The following SLC25A16 variants were observed in gnomAD, a reference collection of about 807,000 sequenced individuals.
The protein encoded by SLC25A16 is solute carrier family 25 member 16.
A neutral mutation model predicts 41.5 loss-of-function variants in SLC25A16; 39 were observed. The observed-to-expected ratio is 0.94, with a 90% CI of 0.73 to 1.23. The LOEUF (loss-of-function observed/expected upper bound fraction) is 1.23, where lower values mean the gene tolerates loss of function less well. Ranked by LOEUF, SLC25A16 falls within the 50% of genes most tolerant of loss-of-function variation. SLC25A16 has a pLI of 0.00. For missense variants in SLC25A16, 421 were observed against 426.9 expected (o/e 0.99, Z 0.12); for synonymous variants, 146 against 147.8 (o/e 0.99, Z 0.09).
At chr10:68,484,907 C>T (rs1250155504) in intron 8 of SLC25A16, among the ~76,000 whole-genome samples, 1 of 152,082 alleles carries the variant, frequency 6.6e-6, no homozygotes, top group African/African-American at 2.4e-5. Context: ...AGCCACTAGC[C>T]ACATATGGCT....
chr10:68,520,163 TG>T (rs2053227148), intron 1 of SLC25A16, among the ~76,000 whole-genome samples: 1 of 151,376 alleles, frequency 6.6e-6, no homozygotes, highest in Non-Finnish European at 1.5e-5. Flanking sequence ...TTCACCATGT[TG>T]GCCAGACTGT....
chr10:68,527,190 C>G (rs2053350537), intron 1 of SLC25A16, 56 bp downstream of exon 1: 2 of 1,519,570 alleles, frequency 1.3e-6, no homozygotes, highest in South Asian at 2.5e-5. Context: ...CCCACTTGCC[C>G]ACAGTCCTGC....
chr10:68,525,053 A>G (rs1462074981), intron 1 of SLC25A16, among the ~76,000 whole-genome samples: 1 of 152,140 alleles, frequency 6.6e-6, no homozygotes, highest in Non-Finnish European at 1.5e-5. Context: ...TCTCAAAACA[A>G]CAACAACAAC....
chr10:68,492,597 G>A (rs546962648), intron 6 of SLC25A16, among the ~76,000 whole-genome samples: 3 of 152,016 alleles, frequency 2.0e-5, no homozygotes, highest in Admixed American at 6.6e-5. Context: ...CAGGAGAATC[G>A]CCTGAACCCA....
At chr10:68,501,871 G>C (rs2052852215) in intron 4 of SLC25A16, among the ~76,000 whole-genome samples, 1 of 152,172 alleles carries the variant, frequency 6.6e-6, no homozygotes, top group South Asian at 2.1e-4. Context: ...GTAAACATAA[G>C]ATCAACATGC....
intron 2 of SLC25A16, among the ~76,000 whole-genome samples, chr10:68,509,111 CG>C (rs1168720005): frequency 6.6e-6 from 1 of 151,870 alleles, no homozygotes; most frequent in African/African-American, 2.4e-5. Context: ...GCAGAGGCAG[CG>C]GATCACTTGA....
At position 68,483,461 on chromosome 10, in the gene SLC25A16, G is replaced by A; in HGVS notation, c.970C>T (p.Leu324Phe). 6.2e-7 allele frequency: 1 copy of A among 1,604,096 alleles called. No individual in the cohort carries two copies. The highest frequency in any genetic ancestry group is 8.5e-7 in the Non-Finnish European group (1 of 1,176,250). The stretch of plus-strand genomic sequence containing the variant: ...TTGAGGTGAAAAAACTGCTTCATAA[G>A]TTCGTATGTTGTAAAAGCCACTGCT... ...SQAVAFTTYE[L>F]MKQFFHLN is the part of the protein sequence containing the mutation. Residue 324 changes from leucine (L) to phenylalanine (F), a missense_variant, in exon 9 of 9, where the codon CTT becomes TTT. By Grantham distance (22) the Leu-to-Phe change is conservative. Transcript: ENST00000609923.
In SLC25A16 at chr10:68,527,301, G is replaced by A. The variant is rs1163056186; in HGVS notation, c.75C>T (p.Ala25=). The A allele has an allele frequency of 3.9e-6, 6 of 1,545,228 alleles. No homozygotes were observed. The highest frequency in any genetic ancestry group is 2.0e-5 in the Admixed American group (1 of 50,322). Residue 25 remains alanine, a synonymous_variant, in exon 1 of 9, where the codon GCC becomes GCT. Transcript: ENST00000609923. ...PPPAMPQAAG[A]GGPTTRRDFY... ...AGTCTCTGCGGGTTGTGGGCCCTCC[G>A]GCCCCTGCCGCCTGCGGCATTGCGG... is the stretch of plus-strand genomic sequence containing the variant.
Position 68,491,966 on chromosome 10 carries a change from T to A in SLC25A16, c.610+1166A>T, listed in dbSNP as rs11815099. On this transcript the variant is annotated intron_variant, in intron 6 of 8. Coordinates refer to ENST00000609923, the MANE Select transcript of SLC25A16 (RefSeq NM_152707.4). ...GCCTCAACCTCCTGAGTAGCTGGGA[T>A]TACAGGCACACGCCACCAAGCCAGC... Among the ~76,000 whole-genome samples, 508 of 152,186 alleles carry A rather than the reference T, an allele frequency of 3.3e-3. 4 individuals are homozygous for A. Among genetic ancestry groups the A allele is most frequent in the African/African-American group, 0.012 (489 of 41,528 alleles).
At chr10:68,525,188 A>C (rs1473649577) in intron 1 of SLC25A16, among the ~76,000 whole-genome samples, 1 of 151,688 alleles carries the variant, frequency 6.6e-6, no homozygotes, top group Non-Finnish European at 1.5e-5. Context: ...CCCAGACTGG[A>C]GTGCAATGGC....
chr10:68,499,671 T>C (rs956361031), intron 4 of SLC25A16: 13 of 362,246 alleles, frequency 3.6e-5, no homozygotes, highest in South Asian at 3.1e-4. Flanking sequence ...GTGTGATCCA[T>C]GCCCATCCGA....
chr10:68,483,708 T>C, intron 8 of SLC25A16, 120 bp from the exon 9 acceptor site: 2 of 760,906 alleles, frequency 2.6e-6, no homozygotes, highest in Non-Finnish European at 4.0e-6. Context: ...CAGATGGGAG[T>C]GTGGATTGCA....
chr10:68,503,812 T>C, intron 3 of SLC25A16, 117 bp from the exon 4 acceptor site: 6 of 705,332 alleles, frequency 8.5e-6, no homozygotes, highest in Non-Finnish European at 1.5e-5. Flanking sequence ...AAATTAATAA[T>C]AAATGTGAAC....
At chr10:68,484,406 C>T (rs1451847775) in intron 8 of SLC25A16, among the ~76,000 whole-genome samples, 3 of 150,640 alleles carry the variant, frequency 2.0e-5, no homozygotes, top group Non-Finnish European at 2.9e-5. Flanking sequence ...CAATCTGGAC[C>T]GAAATCTTTT....
At position 68,483,263 on chromosome 10, in the gene SLC25A16, T is replaced by C; in HGVS notation, c.*169A>G. The C allele has an allele frequency of 1.9e-6, 1 of 529,238 alleles. No individual in the cohort carries two copies. Among genetic ancestry groups the C allele is most frequent in the Non-Finnish European group, 3.3e-6 (1 of 300,864 alleles). The allele number at this position is 529,238 out of a possible 1,614,324, so 32.8% of individuals were successfully genotyped here. On this transcript the variant is annotated 3_prime_UTR_variant, in exon 9 of 9. Coordinates refer to ENST00000609923, the MANE Select transcript of SLC25A16 (RefSeq NM_152707.4). ...TAATGTTTGGCATCAAAAAGTATGGTAAGCAGTTCTGATTTGTGACTAAAG... is the reference window on the plus strand; with the variant it reads ...TAATGTTTGGCATCAAAAAGTATGGCAAGCAGTTCTGATTTGTGACTAAAG...
chr10:68,514,599 AAAG>A (rs2053127559), intron 2 of SLC25A16, among the ~76,000 whole-genome samples: 1 of 152,210 alleles, frequency 6.6e-6, no homozygotes, highest in African/African-American at 2.4e-5. Flanking sequence ...CCGCAAGGTC[AAAG>A]AATAGGTACT....
chr10:68,511,861 T>C (rs1192248095), intron 2 of SLC25A16, among the ~76,000 whole-genome samples: 1 of 142,002 alleles, frequency 7.0e-6, no homozygotes, highest in Non-Finnish European at 1.5e-5. Context: ...ATGCATTTAA[T>C]TTTTTTTTTT....
chr10:68,521,576 T>G (rs1045795925), intron 1 of SLC25A16, among the ~76,000 whole-genome samples: 2 of 138,282 alleles, frequency 1.4e-5, no homozygotes, highest in African/African-American at 2.7e-5. Context: ...GGGTCATGCC[T>G]GTAATCTTTT....
intron 8 of SLC25A16, among the ~76,000 whole-genome samples, chr10:68,485,214 A>C (rs7906130): frequency 0.22 from 32,921 of 151,430 alleles, 4,416 homozygotes; most frequent in African/African-American, 0.37. Context: ...CTCAGCTTCC[A>C]GAGTATCTGG....
Sources: gnomAD v4.1 joint callset for allele counts (sites outside exome capture counted in the v4.1 genomes callset) on GRCh38, gnomAD v4.1.1 for gene constraint, MANE v1.5 for transcripts, NCBI Gene and HGNC (gene_info 2026-07-23, HGNC 2026-07-21) for gene names.